The following DAB1 variants were observed in gnomAD, a reference collection of about 807,000 sequenced individuals.
DAB1 encodes DAB adaptor protein 1, also known as disabled homolog 1.
DAB1 carries 15 observed loss-of-function variants against 64.6 expected under a neutral mutation model. The ratio of observed to expected loss-of-function variants is 0.23; its 90% CI spans 0.16 to 0.36. The LOEUF is 0.36. DAB1 is among the 10% of genes least tolerant of loss of function. DAB1 has a pLI of 1.00. For synonymous variants in DAB1, 235 were observed against 251.9 expected (o/e 0.93, Z 0.64); for missense variants, 596 against 706.7 (o/e 0.84, Z 1.78).
At chr1:57,841,141 A>G (rs1174654759) in intron 1 of DAB1, among the ~76,000 whole-genome samples, 1 of 152,272 alleles carries the variant, frequency 6.6e-6, no homozygotes, top group African/African-American at 2.4e-5. Flanking sequence ...CCAAAACCCA[A>G]CAGGGTAGTC....
intron 4 of DAB1, among the ~76,000 whole-genome samples, chr1:58,249,875 C>CCTTTGCGCGCCACCCAAAA (rs1553170449): frequency 6.6e-6 from 1 of 152,222 alleles, no homozygotes; most frequent in Admixed American, 6.5e-5. Context: ...CTCGCCTGCG[C>CCTTTGCGCGCCACCCAAAA]CTTTGCGCGC....
chr1:58,119,254 GTA>G (rs1188543735), intron 5 of DAB1, among the ~76,000 whole-genome samples: 1 of 139,762 alleles, frequency 7.2e-6, no homozygotes, highest in Non-Finnish European at 1.6e-5. Flanking sequence ...GTGTGTGTGT[GTA>G]TGCTTAATTC....
intron 6 of DAB1, among the ~76,000 whole-genome samples, chr1:57,760,779 C>G (rs2101817351): frequency 6.6e-6 from 1 of 152,236 alleles, no homozygotes; most frequent in African/African-American, 2.4e-5. Context: ...GACCAAGAGG[C>G]TGGCCATGAC....
intron 1 of DAB1, among the ~76,000 whole-genome samples, chr1:57,315,735 C>A (rs1038439826): frequency 1.3e-5 from 2 of 152,280 alleles, no homozygotes; most frequent in African/African-American, 4.8e-5. Flanking sequence ...ATCTCCTGAC[C>A]TCGTGATCCG....
intron 7 of DAB1, among the ~76,000 whole-genome samples, chr1:57,578,498 A>C (rs568533370): frequency 6.6e-6 from 1 of 152,282 alleles, no homozygotes; most frequent in African/African-American, 2.4e-5. Context: ...TCTTCATAGA[A>C]CTTATGTTCC....
At position 58,300,415 on chromosome 1, in the gene DAB1, C is replaced by T. The variant is rs192431597; in HGVS notation, n.309+42937G>A. 2.7e-3 allele frequency among the ~76,000 whole-genome samples: 412 copies of T among 151,540 alleles called. 2 individuals carry two copies. Among genetic ancestry groups the T allele is most frequent in the African/African-American group, 9.2e-3 (379 of 41,266 alleles). On this transcript the variant is annotated intron_variant and non_coding_transcript_variant, in intron 4 of 20. Transcript: ENST00000485760. ...ACAAAAAATTAGCCAGGCGTAGTGG[C>T]GGGTGCCTGTAATCCCAGCTACTCA...
chr1:57,110,389 A>G (rs969857014), intron 4 of DAB1, among the ~76,000 whole-genome samples: 2 of 152,220 alleles, frequency 1.3e-5, no homozygotes, highest in African/African-American at 4.8e-5. Flanking sequence ...CAGATCTGCC[A>G]TGAATGGGGT....
At chr1:57,747,083 C>A (rs991413782) in intron 6 of DAB1, among the ~76,000 whole-genome samples, 1 of 152,008 alleles carries the variant, frequency 6.6e-6, no homozygotes. Flanking sequence ...ATATGTTATG[C>A]TTTTTTGTCA....
chr1:58,506,285 T>C, intron 2 of DAB1: 1 of 709,114 alleles, frequency 1.4e-6, no homozygotes, highest in Non-Finnish European at 2.4e-6. Context: ...TTTATTTTTT[T>C]TTAATTCTAT....
chr1:58,162,406 T>C (rs1655590906), intron 4 of DAB1, among the ~76,000 whole-genome samples: 1 of 152,202 alleles, frequency 6.6e-6, no homozygotes, highest in Non-Finnish European at 1.5e-5. Context: ...TCTGCCTTTC[T>C]TTTTCTTTTA....
downstream of DAB1, among the ~76,000 whole-genome samples, chr1:57,821,836 GA>G (rs1290437871): frequency 6.6e-6 from 1 of 152,116 alleles, no homozygotes; most frequent in African/African-American, 2.4e-5. Flanking sequence ...TTGGCTTTAG[GA>G]AAAGGCAAGA....
chr1:57,634,531 A>C (rs548361117), intron 7 of DAB1, among the ~76,000 whole-genome samples: 5 of 152,348 alleles, frequency 3.3e-5, no homozygotes, highest in African/African-American at 9.6e-5. Flanking sequence ...ATGAAACCTA[A>C]CCTTTATAAG....
chr1:58,002,145 A>G (rs1440499231), intron 5 of DAB1, among the ~76,000 whole-genome samples: 1 of 152,186 alleles, frequency 6.6e-6, no homozygotes, highest in Non-Finnish European at 1.5e-5. Context: ...TTGTTGCTTT[A>G]AGTCACCAGG....
intron 14 of DAB1, among the ~76,000 whole-genome samples, chr1:57,003,113 G>A (rs1645931844): frequency 6.6e-6 from 1 of 152,180 alleles, no homozygotes; most frequent in Non-Finnish European, 1.5e-5. Flanking sequence ...TAAAAGAATG[G>A]TGCTGGACCA....
chr1:57,502,571 A>G (rs1287599240), intron 7 of DAB1, among the ~76,000 whole-genome samples: 1 of 152,140 alleles, frequency 6.6e-6, no homozygotes, highest in Admixed American at 6.5e-5. Context: ...TGCTGTGTCT[A>G]TTTGGTTCTT....
At chr1:58,220,793 T>A (rs561859280) in intron 4 of DAB1, among the ~76,000 whole-genome samples, 1 of 152,050 alleles carries the variant, frequency 6.6e-6, no homozygotes, top group Non-Finnish European at 1.5e-5. Flanking sequence ...CAGCAAGTGC[T>A]CGCAGAAGGT....
intron 1 of DAB1, among the ~76,000 whole-genome samples, chr1:57,303,993 T>C (rs1283963005): frequency 6.6e-6 from 1 of 152,214 alleles, no homozygotes; most frequent in Non-Finnish European, 1.5e-5. Flanking sequence ...TGCACGTAAC[T>C]ATACCTGTCA....
At chr1:58,068,992 G>A (rs998652913) in intron 5 of DAB1, among the ~76,000 whole-genome samples, 3 of 152,162 alleles carry the variant, frequency 2.0e-5, no homozygotes, top group African/African-American at 2.4e-5. Flanking sequence ...TGGGTGTGCA[G>A]AGTCCATCCT....
intron 2 of DAB1, among the ~76,000 whole-genome samples, chr1:58,506,744 G>A (rs937285526): frequency 2.0e-5 from 3 of 151,964 alleles, no homozygotes; most frequent in Non-Finnish European, 2.9e-5. Context: ...TATGCCACTA[G>A]AACAATCAGA....
Sources: gnomAD v4.1 joint callset for allele counts (sites outside exome capture counted in the v4.1 genomes callset) on GRCh38, gnomAD v4.1.1 for gene constraint, MANE v1.5 for transcripts, NCBI Gene and HGNC (gene_info 2026-07-23, HGNC 2026-07-21) for gene names.